The following RRM1 variants were observed in gnomAD, a reference collection of about 807,000 sequenced individuals.
RRM1 encodes the protein ribonucleoside-diphosphate reductase large subunit.
A neutral mutation model predicts 101.5 loss-of-function variants in RRM1; 19 were observed. The ratio of observed to expected loss-of-function variants is 0.19; its 90% confidence interval spans 0.13 to 0.27. RRM1 has a LOEUF of 0.27. RRM1 is among the 10% of genes least tolerant of loss of function. The pLI is 1.00. For synonymous variants in RRM1, 298 were observed against 323.4 expected (o/e 0.92, Z 0.84); for missense variants, 500 against 962.9 (o/e 0.52, Z 6.36).
rs2094612212 is a variant in RRM1, at chr11:4,137,115, G to A, written c.2191-1080G>A. The A allele has an allele frequency of 1.2e-5, 3 of 244,106 alleles. No homozygotes were observed. In the South Asian group the frequency reaches 1.4e-4, roughly 11 times the overall value. The allele number at this position is 244,106 out of a possible 1,614,324, so 15.1% of individuals were successfully genotyped here. On this transcript the variant is annotated intron_variant, in intron 18 of 18. Transcript: ENST00000300738. ...GGTCACTGATCAACAGGCTCACAAG[G>A]CAGAAGAATTTTTCTTAGTACAGAA...
At chr11:4,136,517 G>T (rs774493183) in intron 18 of RRM1, among the ~76,000 whole-genome samples, 3 of 151,904 alleles carry the variant, frequency 2.0e-5, no homozygotes, top group Non-Finnish European at 2.9e-5. Flanking sequence ...ACTGTGCCTG[G>T]CCAGGAATGT....
chr11:4,125,062 G>A lies in RRM1; in HGVS notation c.1321-1622G>A, dbSNP rs183837183. ...CCCGAGTAGCTGGGACTACAGGCGC[G>A]TGCCACCACACCCAGCTAATTTTTG... is the stretch of plus-strand genomic sequence containing the variant. On this transcript the variant is annotated intron_variant, in intron 12 of 18. Transcript: ENST00000300738. 7.9e-4 allele frequency among the ~76,000 whole-genome samples: 120 copies of A among 151,592 alleles called. 1 individual carries two copies. In the East Asian group the frequency reaches 0.018, roughly 23 times the overall value.
intron 17 of RRM1, among the ~76,000 whole-genome samples, chr11:4,134,451 A>G (rs1469985500): frequency 1.3e-5 from 2 of 152,060 alleles, no homozygotes; most frequent in Non-Finnish European, 2.9e-5. Flanking sequence ...CTAAGAGTCA[A>G]GAGGCATTTA....
intron 5 of RRM1, among the ~76,000 whole-genome samples, chr11:4,111,191 A>T (rs1011126902): frequency 2.3e-4 from 35 of 151,960 alleles, no homozygotes; most frequent in Admixed American, 1.9e-3. Context: ...AGTTTTTTTT[A>T]AAAAAAGTGC....
At chr11:4,137,678 C>T (rs1277657507) in intron 18 of RRM1, among the ~76,000 whole-genome samples, 2 of 16,416 alleles carry the variant, frequency 1.2e-4, no homozygotes, top group East Asian at 1.9e-3. Flanking sequence ...GGGGGCTGAC[C>T]CCCCCACCTC....
chr11:4,131,556 A>G (rs376744427), intron 15 of RRM1, among the ~76,000 whole-genome samples: 1 of 152,210 alleles, frequency 6.6e-6, no homozygotes, highest in Non-Finnish European at 1.5e-5. Flanking sequence ...TGCAGAGTAG[A>G]TATTTGTATT....
At chr11:4,120,045 C>A (rs1275867905) in intron 9 of RRM1, 117 bp downstream of exon 9, 6 of 635,302 alleles carry the variant, frequency 9.4e-6, no homozygotes, top group Admixed American at 3.2e-5. Context: ...CTTGTAAAAT[C>A]AATTTGAGGA....
At position 4,119,793 on chromosome 11, in the gene RRM1, T is replaced by C. The variant is rs2094578819; in HGVS notation, c.793-52T>C. 82 of 1,118,886 alleles carry C rather than the reference T, an allele frequency of 7.3e-5. 1 individual carries two copies. In the South Asian group the frequency reaches 1.0e-3, roughly 14 times the overall value. The allele number at this position is 1,118,886 out of a possible 1,614,324, so 69.3% of individuals were successfully genotyped here. On this transcript the variant is annotated intron_variant, in intron 8 of 18. Coordinates refer to ENST00000300738, the MANE Select transcript of RRM1 (RefSeq NM_001033.5). ...TGATAAAAGAATGGGGCCATTTTTT[T>C]CTTTTCTTTGCTGAGTGCCCTCTGT... is the stretch of plus-strand genomic sequence containing the variant.
Position 4,138,365 on chromosome 11 carries a change from T to G in RRM1, c.2361T>G (p.Cys787Trp). 1 of 1,606,180 alleles carries G rather than the reference T, an allele frequency of 6.2e-7. No homozygotes were observed. Among genetic ancestry groups the G allele is most frequent in the Non-Finnish European group, 8.5e-7 (1 of 1,176,860 alleles). Residue 787 changes from cysteine (C) to tryptophan (W), a missense_variant, in exon 19 of 19, where the codon TGT (cysteine) becomes TGG (tryptophan). Around this residue, in one of 9 missense-constraint regions of RRM1, gnomAD observed 33 missense variants for 40.7 expected, o/e 0.81. Transcript: ENST00000300738. ...MVCSLENRDE[C>W]LMCGS ...GCTCTTTGGAGAATAGAGATGAATG[T>G]CTGATGTGTGGATCCTGAGGAAAGA...
chr11:4,108,416 G>C (rs1018629509), intron 4 of RRM1, among the ~76,000 whole-genome samples: 1 of 151,898 alleles, frequency 6.6e-6, no homozygotes, highest in Non-Finnish European at 1.5e-5. Flanking sequence ...GGCTAACACG[G>C]TGAAACCCCG....
chr11:4,098,441 T>C (rs1014966540), intron 1 of RRM1, among the ~76,000 whole-genome samples: 2 of 48,828 alleles, frequency 4.1e-5, no homozygotes, highest in African/African-American at 9.3e-5. Flanking sequence ...TTCCTTCCTA[T>C]TCCATTCACA....
In RRM1 at chr11:4,133,739, G is replaced by T. The variant is rs763163024; in HGVS notation, c.2001+81G>T. On this transcript the variant is annotated intron_variant, in intron 17 of 18. Coordinates refer to ENST00000300738, the MANE Select transcript of RRM1 (RefSeq NM_001033.5). ...CTCCTCACTCATGCTAGACAATGGA[G>T]AGAATGACTTCATTGTGTTCATCTA... is the stretch of plus-strand genomic sequence containing the variant. 3.4e-5 allele frequency: 26 copies of T among 761,290 alleles called. 1 individual carries two copies. The highest frequency in any genetic ancestry group is 5.8e-5 in the Non-Finnish European group (26 of 447,126). The allele number at this position is 761,290 out of a possible 1,614,324, so 47.2% of individuals were successfully genotyped here.
At chr11:4,098,429 C>T (rs999191723) in intron 1 of RRM1, among the ~76,000 whole-genome samples, 1 of 81,586 alleles carries the variant, frequency 1.2e-5, no homozygotes, top group Non-Finnish European at 2.9e-5. Flanking sequence ...TTCCTTCCTT[C>T]CTTCCTTCCT....
intron 9 of RRM1, among the ~76,000 whole-genome samples, chr11:4,120,780 C>A (rs1234021666): frequency 6.6e-6 from 1 of 152,154 alleles, no homozygotes. Context: ...CTGAGGTGGG[C>A]TGATCGTGTA....
At chr11:4,100,107 A>G (rs2094549118) in intron 1 of RRM1, among the ~76,000 whole-genome samples, 1 of 152,230 alleles carries the variant, frequency 6.6e-6, no homozygotes, top group Non-Finnish European at 1.5e-5. Flanking sequence ...CTGATGAGAA[A>G]ATTATCACAA....
At chr11:4,113,303 A>T (rs781252192) in intron 7 of RRM1, among the ~76,000 whole-genome samples, 1 of 152,202 alleles carries the variant, frequency 6.6e-6, no homozygotes, top group Non-Finnish European at 1.5e-5. Context: ...AAGATACCCA[A>T]TAAAAACCTA....
rs981032314 is a variant in RRM1 at position 4,126,888 on chromosome 11, A to G, written c.1470+55A>G. On this transcript the variant is annotated intron_variant, in intron 13 of 18. Coordinates refer to ENST00000300738, the MANE Select transcript of RRM1 (RefSeq NM_001033.5). The stretch of plus-strand genomic sequence containing the variant: ...ATTATTGAAATCCAAATTGAAAGGA[A>G]TCAATCATGATCTTCAAGTCATCAT... 11 of 1,482,338 alleles carry G rather than the reference A, an allele frequency of 7.4e-6. No homozygotes were observed. In the African/African-American group the frequency reaches 1.5e-4, roughly 21 times the overall value. The allele number at this position is 1,482,338 out of a possible 1,614,324, so 91.8% of individuals were successfully genotyped here.
chr11:4,110,627 GGCATGGTGGT>G (rs1554974143), intron 5 of RRM1, among the ~76,000 whole-genome samples: 4 of 151,616 alleles, frequency 2.6e-5, no homozygotes, highest in Non-Finnish European at 5.9e-5. Context: ...AAATTAGCTG[GGCATGGTGGT>G]GCATGCCTGT....
At chr11:4,130,308 G>A (rs2735693) in intron 15 of RRM1, among the ~76,000 whole-genome samples, 5 of 151,622 alleles carry the variant, frequency 3.3e-5, no homozygotes, top group African/African-American at 7.3e-5. Context: ...CCAGAGATAA[G>A]ACTTGTTAAT....
Sources: allele counts gnomAD v4.1 joint callset (sites outside exome capture counted in the v4.1 genomes callset), GRCh38; gene constraint gnomAD v4.1.1; regional missense constraint gnomAD v4.1.1; transcripts MANE v1.5; gene names NCBI Gene and HGNC (gene_info 2026-07-23, HGNC 2026-07-21).